Variants in GRID2 observed in about 807,000 individuals in gnomAD.
The protein encoded by GRID2 is glutamate ionotropic receptor delta type subunit 2, also known as glutamate receptor ionotropic, delta-2.
GRID2 carries 33 observed loss-of-function variants against 114.8 expected under a neutral mutation model. The observed-to-expected ratio is 0.29, with a 90% CI of 0.22 to 0.38. GRID2 has a LOEUF of 0.38. GRID2 is among the 10% of genes least tolerant of loss of function. The probability of loss-of-function intolerance (pLI) is 1.00; values close to 1 mark genes in which losing one functional copy is unlikely to be tolerated. For synonymous variants in GRID2, 505 were observed against 449.9 expected (o/e 1.12, Z -1.55); for missense variants, 1,184 against 1,257.7 (o/e 0.94, Z 0.89).
chr4:92,748,884 G>C (rs1047595505), intron 2 of GRID2, among the ~76,000 whole-genome samples: 12 of 151,738 alleles, frequency 7.9e-5, no homozygotes, highest in African/African-American at 2.7e-4. Context: ...GGCAGGTCTC[G>C]AACTCCTGAG....
intron 2 of GRID2, among the ~76,000 whole-genome samples, chr4:92,672,318 C>T (rs1253133319): frequency 6.6e-6 from 1 of 152,086 alleles, no homozygotes; most frequent in Non-Finnish European, 1.5e-5. Flanking sequence ...TAACATGTGT[C>T]TCTGACAGTC....
intron 10 of GRID2, among the ~76,000 whole-genome samples, chr4:93,436,004 T>TAA (rs35709375): frequency 6.6e-6 from 1 of 151,878 alleles, no homozygotes; most frequent in Non-Finnish European, 1.5e-5. Flanking sequence ...CCCCATTTCT[T>TAA]AAAAAAGGTA....
At chr4:92,893,524 G>A (rs1560675947) in intron 2 of GRID2, among the ~76,000 whole-genome samples, 1 of 152,122 alleles carries the variant, frequency 6.6e-6, no homozygotes, top group Non-Finnish European at 1.5e-5. Flanking sequence ...CCTGCAAGAT[G>A]AAAGGGTTAG....
At chr4:93,338,391 G>A (rs1488003523) in intron 8 of GRID2, among the ~76,000 whole-genome samples, 1 of 152,096 alleles carries the variant, frequency 6.6e-6, no homozygotes, top group Non-Finnish European at 1.5e-5. Context: ...ATTTGCCATA[G>A]CGAAGCATGC....
At chr4:93,504,525 A>C (rs1383469731) in intron 12 of GRID2, among the ~76,000 whole-genome samples, 1 of 152,062 alleles carries the variant, frequency 6.6e-6, no homozygotes, top group Non-Finnish European at 1.5e-5. Flanking sequence ...TTACAAATAA[A>C]ACAAGGTGAT....
At position 93,626,337 on chromosome 4, in the gene GRID2, A is replaced by C. The variant is rs765055189; in HGVS notation, c.2262A>C (p.Pro754=). Residue 754 remains proline (P), a synonymous_variant, in exon 14 of 16, where the codon CCA becomes CCC. Transcript: ENST00000282020. The part of the protein sequence containing the change: ...AVLEYVAIND[P]DCSFYTIGNT... ...TGGAATATGTGGCTATCAATGACCC[A>C]GATTGTTCCTTTTACACCATTGGAA... The C allele has an allele frequency of 1.9e-6, 3 of 1,602,892 alleles. No individual in the cohort carries two copies. Among genetic ancestry groups the C allele is most frequent in the Non-Finnish European group, 2.6e-6 (3 of 1,169,930 alleles).
At chr4:93,241,907 C>G (rs1747563933) in intron 8 of GRID2, among the ~76,000 whole-genome samples, 1 of 150,930 alleles carries the variant, frequency 6.6e-6, no homozygotes, top group Non-Finnish European at 1.5e-5. Flanking sequence ...TATTTGAATG[C>G]TCACAGACCA....
chr4:93,199,498 A>G (rs1196367706), intron 4 of GRID2, among the ~76,000 whole-genome samples: 1 of 152,218 alleles, frequency 6.6e-6, no homozygotes, highest in Non-Finnish European at 1.5e-5. Context: ...ACCCCACTGC[A>G]CAGCAGTAAC....
chr4:93,028,473 A>G (rs1724088536), intron 2 of GRID2, among the ~76,000 whole-genome samples: 1 of 152,108 alleles, frequency 6.6e-6, no homozygotes, highest in South Asian at 2.1e-4. Flanking sequence ...TAAATTACCT[A>G]GCGCCTTTAT....
At chr4:93,189,837 AC>A (rs892755539) in intron 4 of GRID2, among the ~76,000 whole-genome samples, 3 of 151,804 alleles carry the variant, frequency 2.0e-5, no homozygotes, top group South Asian at 2.1e-4. Context: ...TAAAAAAAAA[AC>A]AAACTTCAGA....
intron 1 of GRID2, among the ~76,000 whole-genome samples, chr4:92,378,679 G>C (rs1729470899): frequency 6.6e-6 from 1 of 151,854 alleles, no homozygotes; most frequent in Non-Finnish European, 1.5e-5. Context: ...TCTTTTCAAA[G>C]TTGAGAAATG....
At chr4:93,725,893 A>G (rs1729834372) in intron 14 of GRID2, among the ~76,000 whole-genome samples, 1 of 152,142 alleles carries the variant, frequency 6.6e-6, no homozygotes, top group African/African-American at 2.4e-5. Flanking sequence ...GCCCTTTGTC[A>G]GATGATTAGG....
chr4:93,636,200 A>T (rs1331015781), intron 14 of GRID2, among the ~76,000 whole-genome samples: 1 of 152,186 alleles, frequency 6.6e-6, no homozygotes, highest in Non-Finnish European at 1.5e-5. Context: ...TAATAAGCCC[A>T]TGATGCTGGA....
At chr4:92,704,723 T>TCTCTC (rs1734861937) in intron 2 of GRID2, among the ~76,000 whole-genome samples, 5 of 90,096 alleles carry the variant, frequency 5.5e-5, no homozygotes, top group Admixed American at 2.5e-4. Context: ...CTCTCTCTCT[T>TCTCTC]TCTCTCTCTC....
intron 2 of GRID2, among the ~76,000 whole-genome samples, chr4:92,843,136 G>A (rs948361262): frequency 6.6e-6 from 1 of 152,036 alleles, no homozygotes; most frequent in African/African-American, 2.4e-5. Flanking sequence ...CCAGCTACTT[G>A]GAAGCTGAGG....
intron 2 of GRID2, among the ~76,000 whole-genome samples, chr4:92,886,580 C>T (rs903748341): frequency 2.0e-5 from 3 of 151,790 alleles, no homozygotes; most frequent in African/African-American, 7.2e-5. Context: ...TCTTACCTTG[C>T]TATTATTATT....
At chr4:92,413,849 A>C (rs557185839) in intron 1 of GRID2, among the ~76,000 whole-genome samples, 3 of 152,158 alleles carry the variant, frequency 2.0e-5, no homozygotes, top group Non-Finnish European at 4.4e-5. Context: ...TTAAGAAAAG[A>C]GAGATGATCC....
At chr4:92,496,218 GAC>G (rs1289617819) in intron 1 of GRID2, among the ~76,000 whole-genome samples, 1 of 151,736 alleles carries the variant, frequency 6.6e-6, no homozygotes, top group African/African-American at 2.4e-5. Context: ...CAGAATGACT[GAC>G]ACACAATTTC....
At chr4:93,612,997 G>T (rs1741132995) in intron 13 of GRID2, among the ~76,000 whole-genome samples, 1 of 142,658 alleles carries the variant, frequency 7.0e-6, no homozygotes, top group East Asian at 2.0e-4. Context: ...ATTTCTTGGA[G>T]GCTTTGCTCA....
Sources: gnomAD v4.1 joint callset for allele counts (sites outside exome capture counted in the v4.1 genomes callset) on GRCh38, gnomAD v4.1.1 for gene constraint, MANE v1.5 for transcripts, NCBI Gene and HGNC (gene_info 2026-07-23, HGNC 2026-07-21) for gene names.